The following ALS2 variants were observed in gnomAD, a reference collection of about 807,000 sequenced individuals.
ALS2 encodes the protein alsin.
Under a neutral mutation model 203.4 loss-of-function variants are expected in ALS2, and 117 were observed. The observed-to-expected ratio is 0.58, with a 90% confidence interval of 0.50 to 0.67. The LOEUF is 0.67. Among genes scored for constraint, ALS2 ranks in the 30% least tolerant of loss-of-function variants. ALS2 has a pLI of 0.00. For synonymous variants in ALS2, 718 were observed against 725.9 expected, an observed-to-expected ratio of 0.99 and a Z score of 0.17; for missense variants, 1,715 against 1,989.4, an observed-to-expected ratio of 0.86 and a Z score of 2.62.
At chr2:201,732,341 G>A (rs1488176574) in intron 13 of ALS2, among the ~76,000 whole-genome samples, 2 of 150,420 alleles carry the variant, frequency 1.3e-5, no homozygotes, top group Admixed American at 6.7e-5. Context: ...ATCACTTGAG[G>A]TCAGGAGTTC....
At chr2:201,778,194 AC>A (rs1694740563) in intron 1 of ALS2, among the ~76,000 whole-genome samples, 1 of 152,116 alleles carries the variant, frequency 6.6e-6, no homozygotes, top group Non-Finnish European at 1.5e-5. Flanking sequence ...CTGTGTGATG[AC>A]TCAAAAGAAA....
At position 201,728,962 on chromosome 2, in the gene ALS2, A is replaced by G. The variant is rs1182762097; in HGVS notation, c.2712+90T>C. 7 of 1,598,664 alleles carry G rather than the reference A, an allele frequency of 4.4e-6. No homozygotes were observed. The Admixed American group carries it at 6.7e-5, about 15-fold the overall frequency. The stretch of plus-strand genomic sequence containing the variant: ...GGGGTCATTAAAAGGTTATTACCAC[A>G]AACAAGTGAGGAACAGAGAAAATTG... On this transcript the variant is annotated intron_variant, in intron 14 of 33. Transcript: ENST00000264276.
intron 2 of ALS2, among the ~76,000 whole-genome samples, chr2:201,767,959 A>G (rs1341848518): frequency 6.6e-6 from 1 of 152,006 alleles, no homozygotes; most frequent in African/African-American, 2.4e-5. Flanking sequence ...GGCTATTTTT[A>G]GAAGTTTTAG....
chr2:201,712,760 AAAAAG>A (rs889347343), intron 25 of ALS2, among the ~76,000 whole-genome samples: 16 of 29,528 alleles, frequency 5.4e-4, no homozygotes, highest in Non-Finnish European at 1.3e-3. Flanking sequence ...AAAGAAAAAA[AAAAAG>A]AAAAGAAGGT....
intron 1 of ALS2, among the ~76,000 whole-genome samples, chr2:201,779,674 A>T (rs1011107543): frequency 6.6e-6 from 1 of 152,230 alleles, no homozygotes. Flanking sequence ...TTACACGTAA[A>T]GGTACTGTTA....
chr2:201,728,937 G>C (rs1002509220), intron 14 of ALS2, 115 bp downstream of exon 14: 15 of 1,499,290 alleles, frequency 1.0e-5, no homozygotes, highest in Middle Eastern at 1.7e-4. Flanking sequence ...TTTTAGGAAA[G>C]GGGTCATTAA....
At chr2:201,711,327 A>G (rs1055664133) in intron 25 of ALS2, among the ~76,000 whole-genome samples, 1 of 152,254 alleles carries the variant, frequency 6.6e-6, no homozygotes, top group African/African-American at 2.4e-5. Flanking sequence ...TGTACCATAA[A>G]TTAATGAAGA....
chr2:201,728,716 C>T, intron 14 of ALS2, 76 bp from the exon 15 acceptor site: 2 of 1,534,656 alleles, frequency 1.3e-6, no homozygotes, highest in Non-Finnish European at 1.8e-6. Context: ...ATAAAACAGA[C>T]ACAAATCACA....
chr2:201,720,326 C>G (rs932131921), intron 23 of ALS2, among the ~76,000 whole-genome samples: 4 of 151,970 alleles, frequency 2.6e-5, no homozygotes, highest in Non-Finnish European at 5.9e-5. Context: ...AGACAAGCAA[C>G]CAATATAATA....
At chr2:201,727,428 G>T in intron 16 of ALS2, 150 bp from the exon 17 acceptor site, 1 of 790,046 alleles carries the variant, frequency 1.3e-6, no homozygotes, top group Non-Finnish European at 2.2e-6. Flanking sequence ...CCACCACGGT[G>T]GAAAGAACAA....
At chr2:201,721,612 A>G (rs1474654653) in intron 23 of ALS2, among the ~76,000 whole-genome samples, 1 of 152,348 alleles carries the variant, frequency 6.6e-6, no homozygotes, top group Non-Finnish European at 1.5e-5. Context: ...GCCCATATAC[A>G]AAAGTTATCT....
At chr2:201,756,296 C>CATATATATT (rs1693381096) in intron 5 of ALS2, among the ~76,000 whole-genome samples, 1 of 150,802 alleles carries the variant, frequency 6.6e-6, no homozygotes, top group African/African-American at 2.4e-5. Flanking sequence ...TCTTATACAT[C>CATATATATT]ATATATATTA....
intron 1 of ALS2, among the ~76,000 whole-genome samples, chr2:201,778,279 TTC>T (rs1464624100): frequency 1.3e-5 from 2 of 152,176 alleles, no homozygotes; most frequent in Non-Finnish European, 2.9e-5. Context: ...AAAGCTGATC[TTC>T]TCTCTGGACA....
At chr2:201,703,779 G>C (rs1365658231) in intron 33 of ALS2, among the ~76,000 whole-genome samples, 1 of 152,160 alleles carries the variant, frequency 6.6e-6, no homozygotes, top group Non-Finnish European at 1.5e-5. Context: ...CTGTTCCATT[G>C]AATAGCACTC....
intron 1 of ALS2, among the ~76,000 whole-genome samples, chr2:201,773,380 T>G (rs1277327609): frequency 2.6e-5 from 4 of 152,108 alleles, no homozygotes; most frequent in African/African-American, 9.7e-5. Context: ...AGAGATGCTC[T>G]GGGGGCAGAA....
At chr2:201,718,409 G>A (rs565463496) in intron 23 of ALS2, among the ~76,000 whole-genome samples, 199 bp from the exon 24 acceptor site, 15 of 152,204 alleles carry the variant, frequency 9.9e-5, no homozygotes, top group Middle Eastern at 3.4e-3. Context: ...ACAGGCGCCC[G>A]CCACCACGCC....
chr2:201,758,688 A>C (rs1693551555), intron 4 of ALS2, among the ~76,000 whole-genome samples: 1 of 151,968 alleles, frequency 6.6e-6, no homozygotes, highest in Admixed American at 6.6e-5. Context: ...GTACCCAAAG[A>C]TCTCAAAGGG....
In ALS2 at chr2:201,725,428, T is replaced by A. The variant is rs190630125; in HGVS notation, c.3275A>T (p.Lys1092Met). The change falls in exon 20 of 34, where the codon AAG becomes ATG. Residue 1092 changes from lysine to methionine, a missense_variant. Coordinates refer to ENST00000264276, the MANE Select transcript of ALS2 (RefSeq NM_020919.4). ...DGYGEYRIPN[K>M]AMNKEDHYVG... ...ATAATGGTCTTCTTTGTTCATTGCCTTGTTTGGGATTCTGTATTCTCCATA... is the reference window on the plus strand; with the variant it reads ...ATAATGGTCTTCTTTGTTCATTGCCATGTTTGGGATTCTGTATTCTCCATA... 3 of 1,614,100 alleles carry A rather than the reference T, an allele frequency of 1.9e-6. No homozygotes were observed. The African/African-American group carries it at 4.0e-5, about 22-fold the overall frequency.
chr2:201,780,081 A>G (rs1389743809), intron 1 of ALS2: 1 of 152,220 alleles, frequency 6.6e-6, no homozygotes, highest in Non-Finnish European at 1.5e-5. Flanking sequence ...TTCCTTCTCC[A>G]TCCTAAACCA....
Sources: gnomAD v4.1 joint callset for allele counts (sites outside exome capture counted in the v4.1 genomes callset) on GRCh38, gnomAD v4.1.1 for gene constraint, MANE v1.5 for transcripts, NCBI Gene and HGNC (gene_info 2026-07-23, HGNC 2026-07-21) for gene names.